The following RBFOX2 variants were observed in gnomAD, a reference collection of about 807,000 sequenced individuals.
RBFOX2 encodes RNA binding protein fox-1 homolog 2.
RBFOX2 carries 10 observed loss-of-function variants against 49.1 expected under a neutral mutation model. That is an observed-to-expected ratio of 0.20 (90% CI 0.13 to 0.35). The LOEUF (loss-of-function observed/expected upper bound fraction) is 0.35, where lower values mean the gene tolerates loss of function less well. RBFOX2 is among the 10% of genes least tolerant of loss of function. RBFOX2 has a pLI of 1.00. For synonymous variants in RBFOX2, 183 were observed against 187.4 expected (o/e 0.98, Z 0.19); for missense variants, 323 against 486.9 (o/e 0.66, Z 3.17).
At chr22:35,901,807 C>T (rs1369046373) in intron 1 of RBFOX2, among the ~76,000 whole-genome samples, 2 of 151,932 alleles carry the variant, frequency 1.3e-5, no homozygotes, top group African/African-American at 4.8e-5. Flanking sequence ...CTTGGCTGGG[C>T]GCGGTGACTC....
At chr22:35,819,805 A>C (rs1432879002) in intron 1 of RBFOX2, among the ~76,000 whole-genome samples, 1 of 152,240 alleles carries the variant, frequency 6.6e-6, no homozygotes, top group African/African-American at 2.4e-5. Flanking sequence ...TATGCTACAG[A>C]GAAAAAATAA....
At chr22:35,840,034 A>G (rs1958451409) in intron 1 of RBFOX2, among the ~76,000 whole-genome samples, 2 of 152,150 alleles carry the variant, frequency 1.3e-5, no homozygotes, top group African/African-American at 4.8e-5. Flanking sequence ...ACATAAACGG[A>G]CTCAACAGAC....
chr22:35,890,873 T>C (rs2047157910), intron 1 of RBFOX2, among the ~76,000 whole-genome samples: 1 of 152,070 alleles, frequency 6.6e-6, no homozygotes, highest in African/African-American at 2.4e-5. Flanking sequence ...GCCATAGTTT[T>C]TAAAAGATGA....
intron 1 of RBFOX2, among the ~76,000 whole-genome samples, chr22:36,025,255 C>A (rs1169647774): frequency 6.6e-6 from 1 of 152,216 alleles, no homozygotes; most frequent in Non-Finnish European, 1.5e-5. Flanking sequence ...CAGTCTTTCT[C>A]AATGCCTGTG....
intron 1 of RBFOX2, among the ~76,000 whole-genome samples, chr22:35,857,595 G>T (rs780628125): frequency 6.6e-6 from 1 of 152,138 alleles, no homozygotes; most frequent in Non-Finnish European, 1.5e-5. Flanking sequence ...GAGAGGTCAG[G>T]GTTAGACACG....
chr22:35,982,038 C>T (rs2057482342), intron 1 of RBFOX2, among the ~76,000 whole-genome samples: 1 of 152,146 alleles, frequency 6.6e-6, no homozygotes, highest in Non-Finnish European at 1.5e-5. Flanking sequence ...GTACTTACAG[C>T]CAATCATGCC....
intron 1 of RBFOX2, among the ~76,000 whole-genome samples, chr22:35,883,194 C>T (rs2046144623): frequency 6.6e-6 from 1 of 152,204 alleles, no homozygotes; most frequent in Non-Finnish European, 1.5e-5. Flanking sequence ...TCTCAGCCTG[C>T]TTCCTGCCAG....
intron 1 of RBFOX2, among the ~76,000 whole-genome samples, chr22:35,907,677 T>C (rs994702620): frequency 2.0e-5 from 3 of 152,088 alleles, no homozygotes; most frequent in African/African-American, 7.2e-5. Context: ...AAACAGAGTG[T>C]CGCTCCGTCG....
At chr22:35,994,003 CAAAA>C (rs1005716855) in intron 1 of RBFOX2, 1 of 151,786 alleles carries the variant, frequency 6.6e-6, no homozygotes, top group Admixed American at 6.6e-5. Flanking sequence ...AAAAAACAAA[CAAAA>C]AAATCATTAA....
At chr22:35,920,117 TG>T (rs1046688210) in intron 1 of RBFOX2, among the ~76,000 whole-genome samples, 1 of 152,248 alleles carries the variant, frequency 6.6e-6, no homozygotes, top group Non-Finnish European at 1.5e-5. Context: ...TTAACTAATT[TG>T]GTTCCAATCA....
chr22:35,923,604 GT>G (rs959946164), intron 1 of RBFOX2, among the ~76,000 whole-genome samples: 1 of 151,834 alleles, frequency 6.6e-6, no homozygotes, highest in African/African-American at 2.4e-5. Flanking sequence ...CAAGGAATTG[GT>G]TTTTTTTAAA....
chr22:36,018,045 G>A (rs2059110606), intron 1 of RBFOX2, among the ~76,000 whole-genome samples: 1 of 152,126 alleles, frequency 6.6e-6, no homozygotes, highest in Non-Finnish European at 1.5e-5. Context: ...GGGAAAATCT[G>A]GATAAACAAT....
At chr22:35,871,304 G>A (rs1240540215) in intron 1 of RBFOX2, among the ~76,000 whole-genome samples, 1 of 152,204 alleles carries the variant, frequency 6.6e-6, no homozygotes, top group African/African-American at 2.4e-5. Context: ...ATGTGAAGGT[G>A]AGAGAAGGGA....
At chr22:35,862,832 G>A (rs1287029546) in intron 1 of RBFOX2, among the ~76,000 whole-genome samples, 5 of 152,086 alleles carry the variant, frequency 3.3e-5, no homozygotes, top group Non-Finnish European at 7.4e-5. Flanking sequence ...CTATCTCATG[G>A]GGCTGCTGTG....
At chr22:35,968,102 G>A (rs772486662) in intron 1 of RBFOX2, among the ~76,000 whole-genome samples, 2 of 151,742 alleles carry the variant, frequency 1.3e-5, no homozygotes, top group African/African-American at 2.4e-5. Context: ...TGATCTTAGA[G>A]AAAAAGGTTA....
chr22:36,028,550 G>A (rs1020833618), exon 1 of RBFOX2: 1 of 900,634 alleles, frequency 1.1e-6, no homozygotes, highest in Non-Finnish European at 1.3e-6. Context: ...GTGCGTGCGT[G>A]CGTGCGCGCG....
At chr22:35,969,364 G>A (rs1211239962) in intron 1 of RBFOX2, among the ~76,000 whole-genome samples, 3 of 152,144 alleles carry the variant, frequency 2.0e-5, no homozygotes, top group African/African-American at 7.2e-5. Flanking sequence ...CTTGAGGTCA[G>A]GAGTTTGAGA....
intron 1 of RBFOX2, among the ~76,000 whole-genome samples, chr22:35,827,729 G>A (rs771436543): frequency 1.8e-4 from 28 of 151,860 alleles, no homozygotes; most frequent in African/African-American, 4.8e-5. Flanking sequence ...CACATCTTAC[G>A]CATTCTTCCT....
rs1951572694 is a variant in RBFOX2, at chr22:35,810,149, A to C, written c.28-145T>G. 7.2e-6 allele frequency: 5 copies of C among 696,222 alleles called. No individual in the cohort carries two copies. In the South Asian group the frequency reaches 7.5e-5, roughly 10 times the overall value. The allele number at this position is 696,222 out of a possible 1,614,324, so 43.1% of individuals were successfully genotyped here. ...TTATTGCTCCAGGATTGGAGAAAAT[A>C]TTATTACACATACACACATAGATAT... On this transcript the variant is annotated intron_variant, in intron 1 of 11. Transcript: ENST00000405409.
Sources: allele counts gnomAD v4.1 joint callset (sites outside exome capture counted in the v4.1 genomes callset), GRCh38; gene constraint gnomAD v4.1.1; transcripts MANE v1.5; gene names NCBI Gene and HGNC (gene_info 2026-07-23, HGNC 2026-07-21).